Variants in TLE4 observed in about 807,000 individuals in gnomAD.
TLE4 encodes transducin-like enhancer protein 4.
A neutral mutation model predicts 92.8 loss-of-function variants in TLE4; 8 were observed. The observed-to-expected ratio is 0.09, with a 90% confidence interval of 0.05 to 0.16. The LOEUF is 0.16. TLE4 is among the 10% of genes least tolerant of loss of function. The probability of loss-of-function intolerance (pLI) is 1.00; values close to 1 mark genes in which losing one functional copy is unlikely to be tolerated. For synonymous variants in TLE4, 371 were observed against 374.1 expected, an observed-to-expected ratio of 0.99 and a Z score of 0.10; for missense variants, 675 against 997.6, an observed-to-expected ratio of 0.68 and a Z score of 4.36.
At chr9:79,719,012 G>T in intron 15 of TLE4, 41 bp downstream of exon 15, 2 of 1,573,822 alleles carry the variant, frequency 1.3e-6, no homozygotes, top group Non-Finnish European at 1.7e-6. Context: ...CTTTCATTCA[G>T]AAAACAGGAG....
At chr9:79,665,829 C>T (rs2061303958) in intron 8 of TLE4, among the ~76,000 whole-genome samples, 1 of 151,922 alleles carries the variant, frequency 6.6e-6, no homozygotes. Flanking sequence ...TTTGCTGCTC[C>T]CATTTAGCTC....
chr9:79,575,971 A>C, intron 3 of TLE4, 162 bp from the exon 4 acceptor site: 1 of 442,332 alleles, frequency 2.3e-6, no homozygotes, highest in Non-Finnish European at 4.0e-6. Flanking sequence ...AAGGTGGTTA[A>C]AGATAGTGAT....
chr9:79,631,061 G>A (rs893114522), intron 6 of TLE4, among the ~76,000 whole-genome samples: 4 of 152,164 alleles, frequency 2.6e-5, no homozygotes, highest in Non-Finnish European at 5.9e-5. Flanking sequence ...GGTATGCCAT[G>A]GTGTTGTAGG....
At chr9:79,611,642 C>T (rs1282137924) in intron 4 of TLE4, among the ~76,000 whole-genome samples, 2 of 152,036 alleles carry the variant, frequency 1.3e-5, no homozygotes, top group Non-Finnish European at 2.9e-5. Flanking sequence ...CCTTTCAATT[C>T]TTCTTAGCTC....
intron 4 of TLE4, 67 bp downstream of exon 4, chr9:79,576,244 A>G (rs1270461865): frequency 8.0e-7 from 1 of 1,245,840 alleles, no homozygotes; most frequent in Admixed American, 2.2e-5. Context: ...AGAAAATTGT[A>G]TGTTTTGCAG....
intron 8 of TLE4, among the ~76,000 whole-genome samples, chr9:79,671,994 ACTTT>A (rs2062448436): frequency 1.4e-5 from 1 of 69,466 alleles, no homozygotes; most frequent in Non-Finnish European, 2.8e-5. Flanking sequence ...GAAACAAAAC[ACTTT>A]TTTTTTTTTT....
chr9:79,573,807 TG>T, intron 2 of TLE4, 21 bp downstream of exon 2: 1 of 1,521,410 alleles, frequency 6.6e-7, no homozygotes, highest in South Asian at 1.2e-5. Context: ...TGACTTTAGC[TG>T]ATCCTTCTGT....
chr9:79,575,061 T>C lies in TLE4; in HGVS notation c.207+125T>C, dbSNP rs954701928. On this transcript the variant is annotated intron_variant, in intron 3 of 19. Coordinates refer to ENST00000376552, the MANE Select transcript of TLE4 (RefSeq NM_007005.6). ...CACCCTGCCAGTGCAGTTGAAGTTG[T>C]GGGAATATGTCTATTAGCAACCTGT... is the stretch of plus-strand genomic sequence containing the variant. The C allele has an allele frequency of 1.1e-5, 8 of 713,688 alleles. No individual in the cohort carries two copies. The African/African-American group carries it at 1.2e-4, about 11-fold the overall frequency. The allele number at this position is 713,688 out of a possible 1,614,324, so 44.2% of individuals were successfully genotyped here. A position where few individuals can be genotyped will look rare whatever the true frequency, so the allele number is the denominator to read the frequency against.
intron 8 of TLE4, among the ~76,000 whole-genome samples, chr9:79,668,594 GA>G (rs2061775066): frequency 6.6e-6 from 1 of 152,114 alleles, no homozygotes. Flanking sequence ...TGCAGGCCAA[GA>G]ATGTTACAAC....
intron 4 of TLE4, among the ~76,000 whole-genome samples, chr9:79,607,883 CT>C (rs1374834683): frequency 3.3e-5 from 5 of 150,570 alleles, no homozygotes; most frequent in Non-Finnish European, 4.4e-5. Context: ...GCAATGCGGG[CT>C]TTTTTTTTGG....
At chr9:79,635,296 T>G (rs2055437864) in intron 6 of TLE4, among the ~76,000 whole-genome samples, 2 of 152,178 alleles carry the variant, frequency 1.3e-5, no homozygotes, top group Non-Finnish European at 2.9e-5. Flanking sequence ...CCTCTTTTTT[T>G]TTCATCAGTC....
At chr9:79,582,718 G>A (rs1587683034) in intron 4 of TLE4, among the ~76,000 whole-genome samples, 1 of 150,464 alleles carries the variant, frequency 6.6e-6, no homozygotes, top group East Asian at 2.0e-4. Context: ...GTATTTGGTG[G>A]CTAGAGAAAA....
rs538136071 is a variant in TLE4, at chr9:79,627,914, A to G, written c.390+466A>G. ...CTGTCATGAGTGGCTCTTATGGGTT[A>G]GTGTCCATTTGAAATAGAAATAATA... On this transcript the variant is annotated intron_variant, in intron 6 of 19. Coordinates refer to ENST00000376552, the MANE Select transcript of TLE4 (RefSeq NM_007005.6). 3.3e-5 allele frequency among the ~76,000 whole-genome samples: 5 copies of G among 152,180 alleles called. No homozygotes were observed. In the South Asian group the frequency reaches 1.0e-3, roughly 32 times the overall value.
chr9:79,614,755 A>G (rs1379367271), intron 5 of TLE4, among the ~76,000 whole-genome samples: 1 of 152,174 alleles, frequency 6.6e-6, no homozygotes, highest in African/African-American at 2.4e-5. Context: ...AAGTGGCCCA[A>G]CACAAATTTT....
At chr9:79,674,871 A>G (rs1322676938) in intron 8 of TLE4, among the ~76,000 whole-genome samples, 3 of 152,204 alleles carry the variant, frequency 2.0e-5, no homozygotes, top group African/African-American at 7.2e-5. Flanking sequence ...CTGCTATCTG[A>G]TTAATTAAAA....
At chr9:79,645,308 G>A (rs920606452) in intron 6 of TLE4, among the ~76,000 whole-genome samples, 4 of 152,168 alleles carry the variant, frequency 2.6e-5, no homozygotes, top group East Asian at 1.9e-4. Context: ...AGGAAGGTGC[G>A]TGTTTTTTGA....
intron 6 of TLE4, among the ~76,000 whole-genome samples, chr9:79,637,687 T>G (rs2056239644): frequency 6.6e-6 from 1 of 152,186 alleles, no homozygotes; most frequent in East Asian, 1.9e-4. Context: ...TCCTGTCTGT[T>G]GTATCTTACT....
At position 79,704,770 on chromosome 9, in the gene TLE4, C is replaced by T. The variant is rs766944242; in HGVS notation, c.610-13C>T. On this transcript the variant is annotated splice_polypyrimidine_tract_variant and intron_variant, in intron 8 of 19. Coordinates refer to ENST00000376552, the MANE Select transcript of TLE4 (RefSeq NM_007005.6). ...TAATTTCTCAACCATGCTTCCTCTC[C>T]TTCTAATTCCAGAGCTCTTCAGTAT... is the stretch of plus-strand genomic sequence containing the variant. 7 of 1,604,252 alleles carry T rather than the reference C, an allele frequency of 4.4e-6. No individual in the cohort carries two copies. The African/African-American group carries it at 6.7e-5, about 15-fold the overall frequency.
intron 5 of TLE4, among the ~76,000 whole-genome samples, chr9:79,623,894 CTGAG>C (rs2051763155): frequency 6.6e-6 from 1 of 152,046 alleles, no homozygotes; most frequent in Non-Finnish European, 1.5e-5. Flanking sequence ...ACACTTGTAT[CTGAG>C]TGAGCAGCTG....
Sources: allele counts gnomAD v4.1 joint callset (sites outside exome capture counted in the v4.1 genomes callset), GRCh38; gene constraint gnomAD v4.1.1; transcripts MANE v1.5; gene names NCBI Gene and HGNC (gene_info 2026-07-23, HGNC 2026-07-21).